The following CRACR2B variants were observed in gnomAD, a reference collection of about 807,000 sequenced individuals.
CRACR2B encodes the protein EF-hand calcium-binding domain-containing protein 4A.
A neutral mutation model predicts 46.0 loss-of-function variants in CRACR2B; 50 were observed. The observed-to-expected ratio is 1.09, with a 90% CI of 0.87 to 1.38. The LOEUF (loss-of-function observed/expected upper bound fraction) is 1.38, where lower values mean the gene tolerates loss of function less well. Ranked by LOEUF, CRACR2B falls within the 40% of genes most tolerant of loss-of-function variation. The pLI, the probability that CRACR2B is intolerant of heterozygous loss-of-function variation, is 0.00. For synonymous variants in CRACR2B, 277 were observed against 239.6 expected, an observed-to-expected ratio of 1.16 and a Z score of -1.44; for missense variants, 667 against 535.0, an observed-to-expected ratio of 1.25 and a Z score of -2.43.
At chr11:827,232 T>G (rs1247534113), upstream of CRACR2B, 1 of 151,922 alleles carries the variant, frequency 6.6e-6, no homozygotes, top group Non-Finnish European at 1.5e-5. Flanking sequence ...CTACGTCCCG[T>G]CCGGGTCCCA....
At chr11:829,690 G>A in intron 3 of CRACR2B, 150 bp downstream of exon 3, 1 of 1,061,760 alleles carries the variant, frequency 9.4e-7, no homozygotes, top group Non-Finnish European at 1.3e-6. Flanking sequence ...CCCTGGGAGG[G>A]ACCCGGCATG....
chr11:829,695 G>C, intron 3 of CRACR2B, 155 bp downstream of exon 3: 1 of 1,057,560 alleles, frequency 9.5e-7, no homozygotes, highest in Non-Finnish European at 1.3e-6. Context: ...GGAGGGACCC[G>C]GCATGATTTC....
chr11:829,511 G>C lies in CRACR2B; in HGVS notation c.429G>C (p.Glu143Asp). 2 of 1,600,726 alleles carry C rather than the reference G, an allele frequency of 1.2e-6. No individual in the cohort carries two copies. Among genetic ancestry groups the C allele is most frequent in the Admixed American group, 1.7e-5 (1 of 57,728 alleles). The change falls in exon 3 of 9, where the codon GAG becomes GAC. Residue 143 changes from glutamate (E) to aspartate (D), a missense_variant. Transcript: ENST00000525077. The stretch of plus-strand genomic sequence containing the variant: ...AGGAGCGATTCCACACTGTGCTGGA[G>C]CAGCTGGGGGTGGCCCCGGTCCTGG... ...EEEERFHTVLEQLGVAPVLGK... is the reference protein window; with the variant it reads ...EEEERFHTVLDQLGVAPVLGK...
chr11:830,053 G>A lies in CRACR2B; in HGVS notation c.526G>A (p.Glu176Lys), dbSNP rs759207634. The A allele has an allele frequency of 1.3e-6, 2 of 1,564,122 alleles. No individual in the cohort carries two copies. Among genetic ancestry groups the A allele is most frequent in the Non-Finnish European group, 1.7e-6 (2 of 1,160,254 alleles). ...RERPELLGSF[E>K]DVLIRASACL... ...GCGCCCCGAGCTGCTGGGCTCTTTCGAGGATGTTCTGATACGCGCGTCGGC... is the reference window on the plus strand; with the variant it reads ...GCGCCCCGAGCTGCTGGGCTCTTTCAAGGATGTTCTGATACGCGCGTCGGC... Residue 176 changes from glutamate to lysine, a missense_variant, in exon 4 of 9, where the codon GAG becomes AAG. Coordinates refer to ENST00000525077, the MANE Select transcript of CRACR2B (RefSeq NM_001286606.2).
intron 2 of CRACR2B, 31 bp from the exon 3 acceptor site, chr11:829,329 G>A (rs1846184124): frequency 1.9e-6 from 3 of 1,577,924 alleles, no homozygotes; most frequent in East Asian, 2.3e-5. Context: ...GCGACCCACA[G>A]CCCTGGTAAT....
chr11:827,417 G>A (rs1845979068), upstream of CRACR2B: 1 of 434,200 alleles, frequency 2.3e-6, no homozygotes, highest in Non-Finnish European at 3.1e-6. Context: ...GAGCGTCTCG[G>A]TCGGGAACTC....
chr11:831,031 C>T lies in CRACR2B; in HGVS notation c.952C>T (p.Arg318Ter), dbSNP rs968166807. Reference protein sequence around the residue: ...EARGRQEQTQRDVVAVSRNMQ... With the variant: ...EARGRQEQTQ ...ACGAGGCCGCCAGGAGCAAACCCAACGGTGCCGTGGGACGGGGCTGGGCGG... is the reference window on the plus strand; with the variant it reads ...ACGAGGCCGCCAGGAGCAAACCCAATGGTGCCGTGGGACGGGGCTGGGCGG... Residue 318 changes from arginine (R) to a stop codon, truncating the protein, a stop_gained and splice_region_variant, in exon 7 of 9, where the codon CGA becomes TGA. Transcript: ENST00000525077. LOFTEE classifies it high-confidence loss of function. The T allele has an allele frequency of 2.6e-6, 4 of 1,534,848 alleles. No individual in the cohort carries two copies. Among genetic ancestry groups the T allele is most frequent in the Middle Eastern group, 2.1e-4 (1 of 4,800 alleles).
At position 830,349 on chromosome 11, in the gene CRACR2B, GCC is replaced by G; in HGVS notation, c.693+15_693+16del. The G allele has an allele frequency of 6.5e-7, 1 of 1,535,768 alleles. No individual in the cohort carries two copies. The highest frequency in any genetic ancestry group is 8.7e-7 in the Non-Finnish European group (1 of 1,145,778). Reference sequence around the variant, plus strand: ...GCCCGCCGAGTCAGGTGGGCCTCGGGCCCCGCCCCTCCCGCCAGGCCCAATCC... The same window carrying G: ...GCCCGCCGAGTCAGGTGGGCCTCGGGCCGCCCCTCCCGCCAGGCCCAATCC... On this transcript the variant is annotated intron_variant, in intron 5 of 8. Transcript: ENST00000525077.
At position 830,871 on chromosome 11, in the gene CRACR2B, G is replaced by A. The variant is rs1212178167; in HGVS notation, c.792G>A (p.Glu264=). The change falls in exon 7 of 9, where the codon GAG becomes GAA. Residue 264 remains glutamate, a synonymous_variant. Transcript: ENST00000525077. Reference sequence around the variant, plus strand: ...TCCATCCTTCCACCCTCCAGTTAGAGCAGCAGCTGCACGCCCAGGCTGCGG... The same window carrying A: ...TCCATCCTTCCACCCTCCAGTTAGAACAGCAGCTGCACGCCCAGGCTGCGG... ...ERAGLRQREL[E]QQLHAQAAEH... The A allele has an allele frequency of 2.0e-6, 3 of 1,525,044 alleles. No individual in the cohort carries two copies. Among genetic ancestry groups the A allele is most frequent in the Non-Finnish European group, 2.6e-6 (3 of 1,140,784 alleles). The allele number at this position is 1,525,044 out of a possible 1,614,324, so 94.5% of individuals were successfully genotyped here. A position where few individuals can be genotyped will look rare whatever the true frequency, so the allele number is the denominator to read the frequency against.
Position 831,733 on chromosome 11 carries a change from C to A in CRACR2B, c.*24C>A, listed in dbSNP as rs1383348063. 6 of 1,482,926 alleles carry A rather than the reference C, an allele frequency of 4.0e-6. No homozygotes were observed. Among genetic ancestry groups the A allele is most frequent in the Non-Finnish European group, 5.3e-6 (6 of 1,127,492 alleles). The allele number at this position is 1,482,926 out of a possible 1,614,324, so 91.9% of individuals were successfully genotyped here. On this transcript the variant is annotated 3_prime_UTR_variant, in exon 9 of 9. Coordinates refer to ENST00000525077, the MANE Select transcript of CRACR2B (RefSeq NM_001286606.2). Reference sequence around the variant, plus strand: ...GACCAGCCCCGAGTGACTCACGGACCATGAGCTAGAAGCTGCCCTTGCAGG... The same window carrying A: ...GACCAGCCCCGAGTGACTCACGGACAATGAGCTAGAAGCTGCCCTTGCAGG...
At chr11:829,257 A>C in intron 2 of CRACR2B, 103 bp from the exon 3 acceptor site, 1 of 1,488,724 alleles carries the variant, frequency 6.7e-7, no homozygotes, top group East Asian at 2.5e-5. Context: ...AAAACAGGAA[A>C]CTGGGCCCTG....
At chr11:830,571 T>G (rs1225858411) in intron 5 of CRACR2B, 50 bp from the exon 6 acceptor site, 3 of 1,548,512 alleles carry the variant, frequency 1.9e-6, no homozygotes, top group Non-Finnish European at 2.6e-6. Flanking sequence ...GTACCTCTTT[T>G]GCATGGCCGA....
In CRACR2B at chr11:831,054, C is replaced by A. The variant is rs756366135; in HGVS notation, c.953+22C>A. The A allele has an allele frequency of 3.3e-6, 5 of 1,535,652 alleles. No homozygotes were observed. The East Asian group carries it at 9.8e-5, about 30-fold the overall frequency. On this transcript the variant is annotated intron_variant, in intron 7 of 8. Coordinates refer to ENST00000525077, the MANE Select transcript of CRACR2B (RefSeq NM_001286606.2). ...AACGGTGCCGTGGGACGGGGCTGGG[C>A]GGGCCCCGGTGCGTGTCCCGGGGGC...
Position 830,620 on chromosome 11 carries a change from G to C in CRACR2B, c.694-1G>C. 6.5e-7 allele frequency: 1 copy of C among 1,549,364 alleles called. No homozygotes were observed. The highest frequency in any genetic ancestry group is 8.7e-7 in the Non-Finnish European group (1 of 1,146,738). On this transcript the variant is annotated splice_acceptor_variant, in intron 5 of 8. Coordinates refer to ENST00000525077, the MANE Select transcript of CRACR2B (RefSeq NM_001286606.2). LOFTEE classifies it high-confidence loss of function. ...GCTCAGTGGTCCTCCGTGCGTCCCA[G>C]AACTTCGCCCGCGGGGAGCGGAGAA...
In CRACR2B at chr11:828,928, G is replaced by C; in HGVS notation, c.242G>C (p.Gly81Ala). The change falls in exon 2 of 9, where the codon GGC (glycine) becomes GCC (alanine). Residue 81 changes from glycine (G) to alanine (A), a missense_variant. Gly to Ala is a moderately conservative substitution (Grantham distance 60, BLOSUM62 0). Transcript: ENST00000525077. The part of the protein sequence containing the change: ...VFESLDRAHT[G>A]FLTAREFCLG... ...GAAAGTCTGGACCGGGCTCACACTGGCTTCCTCACCGCCAGGGAGTTCTGC... is the reference window on the plus strand; with the variant it reads ...GAAAGTCTGGACCGGGCTCACACTGCCTTCCTCACCGCCAGGGAGTTCTGC... 1 of 1,606,742 alleles carries C rather than the reference G, an allele frequency of 6.2e-7. No individual in the cohort carries two copies. The highest frequency in any genetic ancestry group is 2.2e-5 in the East Asian group (1 of 44,890).
At position 828,869 on chromosome 11, in the gene CRACR2B, G is replaced by A; in HGVS notation, c.183G>A (p.Leu61=). 1 of 1,610,488 alleles carries A rather than the reference G, an allele frequency of 6.2e-7. No homozygotes were observed. The highest frequency in any genetic ancestry group is 8.5e-7 in the Non-Finnish European group (1 of 1,179,616). Residue 61 remains leucine (L), a synonymous_variant, in exon 2 of 9, where the codon CTG becomes CTA. Coordinates refer to ENST00000525077, the MANE Select transcript of CRACR2B (RefSeq NM_001286606.2). Reference sequence around the variant, plus strand: ...CCGACCAGGGTCTCCAGAGCGACCTGCCCCTCACGCCAGAGCAGCTGGAGG... The same window carrying A: ...CCGACCAGGGTCTCCAGAGCGACCTACCCCTCACGCCAGAGCAGCTGGAGG... ...KHDLQGLQSD[L]PLTPEQLEAV...
At chr11:831,502 G>T (rs749052916) in intron 8 of CRACR2B, 33 bp from the exon 9 acceptor site, 1 of 1,548,366 alleles carries the variant, frequency 6.5e-7, no homozygotes, top group Non-Finnish European at 8.7e-7. Flanking sequence ...AGCTCCCTCA[G>T]ACCCTCTCAG....
chr11:831,639 C>CCTGCTG lies in CRACR2B; in HGVS notation c.1140_1145dup (p.Cys382_Cys383dup). 1 of 1,552,818 alleles carries CCTGCTG rather than the reference C, an allele frequency of 6.4e-7. No homozygotes were observed. The highest frequency in any genetic ancestry group is 8.6e-7 in the Non-Finnish European group (1 of 1,156,322). Reference sequence around the variant, plus strand: ...ACAACAGCCCGCCTGCCTGGGCCCACCTGCTGCTGCTGCTGTTGCTGGGCT... The same window carrying CCTGCTG: ...ACAACAGCCCGCCTGCCTGGGCCCACCTGCTGCTGCTGCTGCTGCTGTTGCTGGGCT... On this transcript the variant is annotated inframe_insertion, in exon 9 of 9. Coordinates refer to ENST00000525077, the MANE Select transcript of CRACR2B (RefSeq NM_001286606.2).
In CRACR2B at chr11:828,853, G is replaced by A; in HGVS notation, c.167G>A (p.Gly56Asp). 2 of 1,610,844 alleles carry A rather than the reference G, an allele frequency of 1.2e-6. No homozygotes were observed. Among genetic ancestry groups the A allele is most frequent in the Non-Finnish European group, 8.5e-7 (1 of 1,179,546 alleles). Residue 56 changes from glycine to aspartate, a missense_variant and splice_region_variant, in exon 2 of 9, where the codon GGT becomes GAT. Transcript: ENST00000525077. ...KGFITKHDLQ[G>D]LQSDLPLTPE... ...TCTCTGCTCTCCTTCCCCGACCAGG[G>A]TCTCCAGAGCGACCTGCCCCTCACG... is the stretch of plus-strand genomic sequence containing the variant.
Sources: allele counts gnomAD v4.1 joint callset, GRCh38; gene constraint gnomAD v4.1.1; transcripts MANE v1.5; gene names NCBI Gene and HGNC (gene_info 2026-07-23, HGNC 2026-07-21).